The following GPR55 variants were observed in gnomAD, a reference collection of about 807,000 sequenced individuals.
The protein encoded by GPR55 is G protein-coupled receptor 55.
A neutral mutation model predicts 7.9 loss-of-function variants in GPR55; 6 were observed. That is an observed-to-expected ratio of 0.76 (90% confidence interval 0.41 to 1.49). The LOEUF (loss-of-function observed/expected upper bound fraction) is 1.49. GPR55 is among the 40% of genes most tolerant of loss of function. The pLI is 0.01. For synonymous variants in GPR55, 183 were observed against 166.8 expected (o/e 1.10, Z -0.75); for missense variants, 376 against 406.0 (o/e 0.93, Z 0.63).
intron 1 of GPR55, among the ~76,000 whole-genome samples, chr2:230,951,446 A>G (rs73995424): frequency 0.022 from 3,282 of 152,306 alleles, 55 homozygotes; most frequent in African/African-American, 0.047. Context: ...AAAGAACTAA[A>G]AATGAAAATG....
At chr2:230,916,953 T>G (rs943815545) in intron 1 of GPR55, among the ~76,000 whole-genome samples, 20 of 152,202 alleles carry the variant, frequency 1.3e-4, no homozygotes, top group Non-Finnish European at 2.5e-4. Context: ...TTTGCTCTTA[T>G]GAAGGGTGCA....
At chr2:230,926,743 G>A (rs1215442276), upstream of GPR55, among the ~76,000 whole-genome samples, 2 of 137,008 alleles carry the variant, frequency 1.5e-5, no homozygotes, top group South Asian at 2.3e-4. Context: ...AGGCTGCAGT[G>A]CAGTGGCACT....
At chr2:230,922,539 T>C (rs3098324) in intron 1 of GPR55, among the ~76,000 whole-genome samples, 78,138 of 151,974 alleles carry the variant, frequency 0.51, 23,199 homozygotes, top group African/African-American at 0.84. Context: ...CCATACCCAA[T>C]TAATTTTTTA....
intron 1 of GPR55, among the ~76,000 whole-genome samples, chr2:230,947,100 C>T (rs1691329942): frequency 6.6e-6 from 1 of 152,230 alleles, no homozygotes; most frequent in South Asian, 2.1e-4. Context: ...TCCATTCCTT[C>T]ATCATGCCCA....
intron 1 of GPR55, among the ~76,000 whole-genome samples, chr2:230,935,734 G>C (rs769516242): frequency 6.6e-6 from 1 of 152,222 alleles, no homozygotes; most frequent in Non-Finnish European, 1.5e-5. Flanking sequence ...TGGAGATACA[G>C]GTTCAGTATC....
At chr2:230,948,275 T>C (rs914253718) in intron 1 of GPR55, among the ~76,000 whole-genome samples, 12 of 151,944 alleles carry the variant, frequency 7.9e-5, no homozygotes, top group African/African-American at 2.9e-4. Flanking sequence ...AGGCCTGACT[T>C]CCCCACTCAG....
chr2:230,945,703 G>T (rs1016824235), intron 1 of GPR55, among the ~76,000 whole-genome samples: 10 of 152,180 alleles, frequency 6.6e-5, no homozygotes, highest in African/African-American at 2.4e-4. Context: ...CTCCCAAGTA[G>T]CTGGGACTAC....
upstream of GPR55, chr2:230,961,173 C>T (rs908700202): frequency 6.6e-6 from 1 of 152,244 alleles, no homozygotes; most frequent in Non-Finnish European, 1.5e-5. Flanking sequence ...CTTCCAGTCT[C>T]CATCGGGGGA....
At chr2:230,940,038 G>C (rs1691199801) in intron 1 of GPR55, among the ~76,000 whole-genome samples, 1 of 152,104 alleles carries the variant, frequency 6.6e-6, no homozygotes, top group Admixed American at 6.5e-5. Context: ...GCACCAGAAA[G>C]AGCCAGTCCT....
chr2:230,947,053 G>A (rs1025937482), intron 1 of GPR55, among the ~76,000 whole-genome samples: 6 of 152,078 alleles, frequency 3.9e-5, no homozygotes, highest in East Asian at 1.9e-4. Context: ...ACTTTCTGAC[G>A]GCCCTGTCAC....
At chr2:230,952,517 C>G (rs1406646065) in intron 1 of GPR55, among the ~76,000 whole-genome samples, 1 of 152,198 alleles carries the variant, frequency 6.6e-6, no homozygotes, top group Non-Finnish European at 1.5e-5. Context: ...ATTCCCAGGG[C>G]AGGGCTGCTG....
In GPR55 at chr2:230,910,168, G is replaced by A. The variant is rs778279728; in HGVS notation, c.795C>T (p.Ser265=). The A allele has an allele frequency of 6.8e-6, 11 of 1,613,902 alleles. No homozygotes were observed. The highest frequency in any genetic ancestry group is 2.2e-5 in the East Asian group (1 of 44,888). The change falls in exon 2 of 2, where the codon AGC becomes AGT. Residue 265 remains serine, a synonymous_variant. Transcript: ENST00000650999. This position sits in a 1 kb window ranked among gnomAD's most constrained non-coding sequence, Gnocchi z 5.4. ...TGGACAATTGCAAGAAGAAGCTGAT[G>A]CTCTGCTTGGCTCTGCACTCTACGA... ...SFIVECRAKQ[S]ISFFLQLSMC... is the part of the protein sequence containing the mutation.
At chr2:230,928,302 G>A (rs572319047), upstream of GPR55, among the ~76,000 whole-genome samples, 3 of 152,122 alleles carry the variant, frequency 2.0e-5, no homozygotes, top group African/African-American at 7.2e-5. Context: ...GAGTGGGGGC[G>A]TCAGAGTGTC....
intron 1 of GPR55, among the ~76,000 whole-genome samples, chr2:230,913,180 G>C (rs1266821800): frequency 6.6e-6 from 1 of 152,128 alleles, no homozygotes; most frequent in African/African-American, 2.4e-5. Flanking sequence ...TAGGTTTCCA[G>C]TATTTTACCA....
At chr2:230,933,235 A>C (rs1691077969) in intron 1 of GPR55, among the ~76,000 whole-genome samples, 4 of 70,166 alleles carry the variant, frequency 5.7e-5, no homozygotes, top group African/African-American at 2.2e-4. Context: ...TCTGCTCTTC[A>C]CTCTTCCTGT....
At position 230,910,795 on chromosome 2, in the gene GPR55, A is replaced by T. The variant is rs1243586264; in HGVS notation, c.168T>A (p.Tyr56Ter). The T allele has an allele frequency of 6.2e-7, 1 of 1,613,100 alleles. No homozygotes were observed. The highest frequency in any genetic ancestry group is 8.5e-7 in the Non-Finnish European group (1 of 1,179,650). ...TGATCATGTAGATGGAGGTGGCAGC[A>T]TAATCGGGCCACCTGTTCTTAAGGA... is the stretch of plus-strand genomic sequence containing the variant. The part of the protein sequence containing the change: ...STFLKNRWPD[Y>*]AATSIYMINL... The change falls in exon 2 of 2, where the codon TAT (tyrosine) becomes TAA (stop). Residue 56 changes from tyrosine to a stop codon, truncating the protein, a stop_gained. Transcript: ENST00000650999. LOFTEE classifies it high-confidence loss of function. The surrounding 1 kb of genome is among the most constrained non-coding windows in gnomAD (Gnocchi z 5.4).
chr2:230,939,032 T>A (rs1166822897), intron 1 of GPR55, among the ~76,000 whole-genome samples: 1 of 152,196 alleles, frequency 6.6e-6, no homozygotes, highest in Non-Finnish European at 1.5e-5. Flanking sequence ...GCTCCTGCCG[T>A]GTGGCCAGTT....
intron 1 of GPR55, among the ~76,000 whole-genome samples, chr2:230,936,549 C>T (rs574323567): frequency 6.6e-6 from 1 of 152,244 alleles, no homozygotes; most frequent in East Asian, 1.9e-4. Flanking sequence ...TCAATTAAAC[C>T]TGTTTTCTTT....
intron 1 of GPR55, among the ~76,000 whole-genome samples, chr2:230,955,016 C>T (rs1341912578): frequency 6.6e-6 from 1 of 152,188 alleles, no homozygotes; most frequent in Non-Finnish European, 1.5e-5. Context: ...ACATGTCATC[C>T]CTTGATGCAA....
Sources: gnomAD v4.1 joint callset for allele counts (sites outside exome capture counted in the v4.1 genomes callset) on GRCh38, gnomAD v4.1.1 for gene constraint, Gnocchi (gnomAD v3.1) non-coding constraint, MANE v1.5 for transcripts, NCBI Gene and HGNC (gene_info 2026-07-23, HGNC 2026-07-21) for gene names.